CPED1: variants seen among roughly 807,000 people sequenced by gnomAD.
The protein encoded by CPED1 is cadherin like and PC-esterase domain containing 1, also known as cadherin-like and PC-esterase domain-containing protein 1.
In CPED1, 114 loss-of-function variants were observed where a neutral mutation model predicts 128.2. The observed-to-expected ratio is 0.89, with a 90% CI of 0.76 to 1.04. The LOEUF (loss-of-function observed/expected upper bound fraction) is 1.04. Among genes scored for constraint, CPED1 ranks in the 50% least tolerant of loss-of-function variants. CPED1 has a pLI of 0.00. For synonymous variants in CPED1, 462 were observed against 426.7 expected (o/e 1.08, Z -1.02); for missense variants, 1,211 against 1,207.1 (o/e 1.00, Z -0.05).
Position 121,127,178 on chromosome 7 carries a change from A to G in CPED1, c.1223A>G (p.Asn408Ser), listed in dbSNP as rs1464066502. The change falls in exon 10 of 23, where the codon AAT (asparagine) becomes AGT (serine). Residue 408 changes from asparagine to serine, a missense_variant. Physicochemically the swap from Asn to Ser is conservative, Grantham distance 46. Coordinates refer to ENST00000310396, the MANE Select transcript of CPED1 (RefSeq NM_024913.5). ...GAATTCCTTTTAAATGACACTTTCAATTTTCTCTTCCCTAATGAATCATCA... is the reference window on the plus strand; with the variant it reads ...GAATTCCTTTTAAATGACACTTTCAGTTTTCTCTTCCCTAATGAATCATCA... ...TEEFLLNDTFNFLFPNESSLS... is the reference protein window; with the variant it reads ...TEEFLLNDTFSFLFPNESSLS... 5 of 1,593,286 alleles carry G rather than the reference A, an allele frequency of 3.1e-6. No homozygotes were observed. Among genetic ancestry groups the G allele is most frequent in the East Asian group, 2.2e-5 (1 of 44,554 alleles).
rs148542030 is a variant in CPED1, at chr7:121,123,837, T to C, written c.919-494T>C. Reference sequence around the variant, plus strand: ...AGCAACTTTGATATATTTATTTTTGTTCTAATATGCCCCCAAAATTGATAA... The same window carrying C: ...AGCAACTTTGATATATTTATTTTTGCTCTAATATGCCCCCAAAATTGATAA... On this transcript the variant is annotated intron_variant, in intron 7 of 22. Coordinates refer to ENST00000310396, the MANE Select transcript of CPED1 (RefSeq NM_024913.5). Among the ~76,000 whole-genome samples, 320 of 152,360 alleles carry C rather than the reference T, an allele frequency of 2.1e-3. 1 individual carries two copies. The highest frequency in any genetic ancestry group is 7.4e-3 in the African/African-American group (307 of 41,586).
intron 18 of CPED1, among the ~76,000 whole-genome samples, chr7:121,262,894 GA>G (rs1331159459): frequency 1.3e-5 from 2 of 152,030 alleles, no homozygotes; most frequent in East Asian, 3.9e-4. Context: ...CTTTTAGTTA[GA>G]AATATCAATC....
intron 3 of CPED1, among the ~76,000 whole-genome samples, chr7:121,033,501 T>C (rs1792792500): frequency 6.6e-6 from 1 of 152,244 alleles, no homozygotes; most frequent in South Asian, 2.1e-4. Context: ...TCCTACACAC[T>C]TTAAAAATAT....
chr7:121,260,402 G>T (rs1041615031), intron 18 of CPED1, among the ~76,000 whole-genome samples: 1 of 151,848 alleles, frequency 6.6e-6, no homozygotes, highest in Non-Finnish European at 1.5e-5. Context: ...TTCACAGAGG[G>T]ATGCTTTGTT....
chr7:121,294,938 T>C (rs1242638625), intron 22 of CPED1, among the ~76,000 whole-genome samples: 1 of 151,958 alleles, frequency 6.6e-6, no homozygotes, highest in African/African-American at 2.4e-5. Flanking sequence ...ACAAAACCAC[T>C]AAAAGTAACA....
intron 16 of CPED1, among the ~76,000 whole-genome samples, chr7:121,161,700 A>G (rs966035080): frequency 2.0e-4 from 31 of 152,190 alleles, no homozygotes; most frequent in African/African-American, 6.5e-4. Context: ...CTGCAAATCT[A>G]CATTTCCCTG....
chr7:121,076,484 G>A (rs1485213977), intron 5 of CPED1: 4 of 152,152 alleles, frequency 2.6e-5, no homozygotes, highest in East Asian at 3.9e-4. Context: ...CCTTTCTTAT[G>A]TGGTTGGTTG....
At chr7:120,998,764 T>G (rs988016013) in intron 2 of CPED1, among the ~76,000 whole-genome samples, 1 of 151,340 alleles carries the variant, frequency 6.6e-6, no homozygotes, top group African/African-American at 2.4e-5. Context: ...GATATATCAC[T>G]CAACGTCAGA....
intron 16 of CPED1, among the ~76,000 whole-genome samples, chr7:121,152,171 G>A (rs996075447): frequency 1.8e-4 from 27 of 152,012 alleles, no homozygotes; most frequent in African/African-American, 5.8e-4. Context: ...CCAGCTCTCA[G>A]GACCTCATTC....
At chr7:121,126,998 C>G (rs1795519441) in intron 9 of CPED1, 92 bp from the exon 10 acceptor site, 1 of 977,734 alleles carries the variant, frequency 1.0e-6, no homozygotes, top group Non-Finnish European at 1.5e-6. Flanking sequence ...GATCTATAAT[C>G]CAACAGGAAA....
At chr7:121,127,535 CTTTCTT>C (rs1795534593) in intron 10 of CPED1, among the ~76,000 whole-genome samples, 1 of 132,762 alleles carries the variant, frequency 7.5e-6, no homozygotes, top group East Asian at 2.0e-4. Flanking sequence ...TTTTCTTTTT[CTTTCTT>C]TTTTTTTTTT....
intron 15 of CPED1, among the ~76,000 whole-genome samples, chr7:121,141,496 T>C (rs1274118271): frequency 6.6e-6 from 1 of 152,048 alleles, no homozygotes; most frequent in South Asian, 2.1e-4. Context: ...GCAAAGAAGA[T>C]ACTCATGGTT....
chr7:121,057,208 G>A (rs1793521812), intron 4 of CPED1, among the ~76,000 whole-genome samples: 1 of 152,046 alleles, frequency 6.6e-6, no homozygotes, highest in South Asian at 2.1e-4. Flanking sequence ...TCGAACTTCT[G>A]ACCTCTTGAT....
At chr7:121,195,674 CAT>C (rs1797255983) in intron 16 of CPED1, among the ~76,000 whole-genome samples, 1 of 152,166 alleles carries the variant, frequency 6.6e-6, no homozygotes, top group African/African-American at 2.4e-5. Flanking sequence ...AATTTACACA[CAT>C]ATCTAAGAAA....
intron 7 of CPED1, among the ~76,000 whole-genome samples, chr7:121,102,491 T>G (rs1794873004): frequency 6.6e-6 from 1 of 152,086 alleles, no homozygotes; most frequent in Non-Finnish European, 1.5e-5. Flanking sequence ...GGTCAGAATT[T>G]CACCCCCTAA....
intron 3 of CPED1, among the ~76,000 whole-genome samples, chr7:121,018,622 C>T (rs74484759): frequency 0.018 from 2,684 of 152,084 alleles, 79 homozygotes; most frequent in African/African-American, 0.061. Flanking sequence ...ATTTTTCATC[C>T]TAGGACAATA....
chr7:121,041,388 A>G (rs1793048262), intron 3 of CPED1, among the ~76,000 whole-genome samples: 1 of 151,586 alleles, frequency 6.6e-6, no homozygotes, highest in South Asian at 2.1e-4. Context: ...AGAAAAATAT[A>G]TATATATATA....
intron 16 of CPED1, among the ~76,000 whole-genome samples, chr7:121,162,168 G>C (rs1475156348): frequency 6.6e-6 from 1 of 152,188 alleles, no homozygotes; most frequent in Non-Finnish European, 1.5e-5. Flanking sequence ...GCCAAGTGTA[G>C]GCAATAGGAA....
At chr7:121,015,913 G>T (rs1248314335) in intron 3 of CPED1, 65 bp downstream of exon 3, 75 of 1,163,436 alleles carry the variant, frequency 6.4e-5, no homozygotes, top group Non-Finnish European at 8.0e-5. Flanking sequence ...TTTCTAGAAT[G>T]TGCTACTATC....
Sources: allele counts gnomAD v4.1 joint callset (sites outside exome capture counted in the v4.1 genomes callset), GRCh38; gene constraint gnomAD v4.1.1; transcripts MANE v1.5; gene names NCBI Gene and HGNC (gene_info 2026-07-23, HGNC 2026-07-21).